CDH10: variants seen among roughly 807,000 people sequenced by gnomAD.
CDH10 encodes the protein cadherin 10, also known as cadherin-10.
In CDH10, 30 loss-of-function variants were observed where a neutral mutation model predicts 73.1. The observed-to-expected ratio is 0.41, with a 90% CI of 0.31 to 0.56. The LOEUF is 0.56. Ranked by LOEUF, CDH10 falls within the 20% of genes least tolerant of loss-of-function variation. The pLI, the probability that CDH10 is intolerant of heterozygous loss-of-function variation, is 0.27. For missense variants in CDH10, 815 were observed against 973.7 expected (o/e 0.84, Z 2.17); for synonymous variants, 345 against 348.2 (o/e 0.99, Z 0.10).
intron 5 of CDH10, among the ~76,000 whole-genome samples, chr5:24,532,115 G>A (rs1743776412): frequency 6.6e-6 from 1 of 152,054 alleles, no homozygotes; most frequent in Non-Finnish European, 1.5e-5. Context: ...AAAAAATAAA[G>A]CAAGATATCT....
chr5:24,504,999 G>A, intron 8 of CDH10, 113 bp downstream of exon 8: 2 of 765,604 alleles, frequency 2.6e-6, no homozygotes, highest in Middle Eastern at 3.9e-4. Context: ...TCTGTCCAAT[G>A]AGAATGAATT....
At chr5:24,490,369 C>T (rs9293129) in intron 11 of CDH10, among the ~76,000 whole-genome samples, 11,165 of 151,950 alleles carry the variant, frequency 0.073, 1,157 homozygotes, top group African/African-American at 0.23. Flanking sequence ...ATGAGGTATG[C>T]ATTTTTTGTA....
intron 7 of CDH10, among the ~76,000 whole-genome samples, chr5:24,507,941 T>G (rs2111740804): frequency 6.6e-6 from 1 of 152,302 alleles, no homozygotes; most frequent in South Asian, 2.1e-4. Context: ...AAATAAAAAG[T>G]AACATAGGTA....
chr5:24,503,739 C>T (rs924480409), intron 8 of CDH10, among the ~76,000 whole-genome samples: 2 of 151,932 alleles, frequency 1.3e-5, no homozygotes, highest in Non-Finnish European at 2.9e-5. Context: ...ACTAAAGTTC[C>T]CAGAGCCTTA....
At chr5:24,544,474 T>C (rs977461450) in intron 2 of CDH10, among the ~76,000 whole-genome samples, 2 of 152,230 alleles carry the variant, frequency 1.3e-5, no homozygotes, top group African/African-American at 2.4e-5. Context: ...TGGGCACATA[T>C]AGCTGCATAA....
chr5:24,501,816 T>C (rs1023320874), intron 8 of CDH10, among the ~76,000 whole-genome samples: 1 of 152,120 alleles, frequency 6.6e-6, no homozygotes, highest in African/African-American at 2.4e-5. Context: ...TTTTCAGAGG[T>C]AGTGAGAGGA....
intron 1 of CDH10, among the ~76,000 whole-genome samples, chr5:24,614,903 A>G (rs1219864905): frequency 6.6e-6 from 1 of 152,150 alleles, no homozygotes; most frequent in Non-Finnish European, 1.5e-5. Flanking sequence ...CCTATTGGTC[A>G]GAGCAGTAGC....
intron 1 of CDH10, among the ~76,000 whole-genome samples, chr5:24,625,837 G>C (rs1322116673): frequency 6.6e-6 from 1 of 151,472 alleles, no homozygotes; most frequent in Non-Finnish European, 1.5e-5. Flanking sequence ...ATTAATCTTT[G>C]TTGCAGAATA....
intron 5 of CDH10, among the ~76,000 whole-genome samples, chr5:24,517,682 A>G (rs1743160665): frequency 1.3e-5 from 2 of 152,206 alleles, no homozygotes; most frequent in Admixed American, 1.3e-4. Context: ...GAATGAAGGT[A>G]GTAAAAAAAA....
intron 1 of CDH10, among the ~76,000 whole-genome samples, chr5:24,602,629 G>GTA (rs1746607103): frequency 6.6e-6 from 1 of 152,222 alleles, no homozygotes. Flanking sequence ...GCATGTGTGT[G>GTA]TATATGTGTA....
At chr5:24,615,834 T>C (rs900647692) in intron 1 of CDH10, among the ~76,000 whole-genome samples, 1 of 152,222 alleles carries the variant, frequency 6.6e-6, no homozygotes. Flanking sequence ...TTTTGGAAAT[T>C]CTGCCTTGAG....
At chr5:24,604,898 AAAAC>A (rs1457843726) in intron 1 of CDH10, among the ~76,000 whole-genome samples, 117 of 147,576 alleles carry the variant, frequency 7.9e-4, no homozygotes, top group East Asian at 6.0e-3. Flanking sequence ...AAAAAAAACA[AAAAC>A]AAACAAACAA....
intron 10 of CDH10, 107 bp downstream of exon 10, chr5:24,492,710 T>A (rs973744836): frequency 1.6e-6 from 1 of 612,046 alleles, no homozygotes. Context: ...CAAAATTGTA[T>A]AACTCAGATC....
chr5:24,544,643 T>A (rs1226445765), intron 2 of CDH10, among the ~76,000 whole-genome samples: 1 of 152,164 alleles, frequency 6.6e-6, no homozygotes. Flanking sequence ...CTATTGAAAG[T>A]TGGCCTTGTG....
At chr5:24,636,654 C>A (rs887989950) in intron 1 of CDH10, among the ~76,000 whole-genome samples, 5 of 151,706 alleles carry the variant, frequency 3.3e-5, no homozygotes, top group African/African-American at 1.2e-4. Context: ...GCACATGTAC[C>A]CCTGAACCTA....
chr5:24,636,698 A>C (rs372131456), intron 1 of CDH10, among the ~76,000 whole-genome samples: 26 of 151,924 alleles, frequency 1.7e-4, no homozygotes, highest in African/African-American at 6.0e-4. Flanking sequence ...AAAACAAAAA[A>C]ATTAGCAATA....
chr5:24,581,043 T>G (rs956586062), intron 2 of CDH10, among the ~76,000 whole-genome samples: 37 of 152,194 alleles, frequency 2.4e-4, no homozygotes, highest in African/African-American at 8.9e-4. Context: ...ATTTGCATAG[T>G]CTCTTCAGAC....
chr5:24,537,811 T>C, intron 2 of CDH10, 137 bp from the exon 3 acceptor site: 2 of 590,634 alleles, frequency 3.4e-6, no homozygotes, highest in South Asian at 2.1e-5. Context: ...GAGAGCTGAA[T>C]AAGTTTGATC....
chr5:24,523,104 G>A (rs987752860), intron 5 of CDH10, among the ~76,000 whole-genome samples: 3 of 151,960 alleles, frequency 2.0e-5, no homozygotes, highest in Non-Finnish European at 2.9e-5. Flanking sequence ...GGCAGGAAGG[G>A]AGGGTGGGGA....
Sources: allele counts gnomAD v4.1 joint callset (sites outside exome capture counted in the v4.1 genomes callset), GRCh38; gene constraint gnomAD v4.1.1; transcripts MANE v1.5; gene names NCBI Gene and HGNC (gene_info 2026-07-23, HGNC 2026-07-21).